FHOD3: variants seen among roughly 807,000 people sequenced by gnomAD.
FHOD3 encodes the protein formin homology 2 domain containing 3, also known as FH1/FH2 domain-containing protein 3.
FHOD3 carries 90 observed loss-of-function variants against 173.0 expected under a neutral mutation model. That is an observed-to-expected ratio of 0.52 (90% CI 0.44 to 0.62). The LOEUF is 0.62. Among genes scored for constraint, FHOD3 ranks in the 20% least tolerant of loss-of-function variants. FHOD3 has a pLI of 0.00. For synonymous variants in FHOD3, 828 were observed against 823.0 expected (o/e 1.01, Z -0.10); for missense variants, 1,945 against 2,034.7 (o/e 0.96, Z 0.85).
At chr18:36,316,219 A>G (rs750537159) in intron 1 of FHOD3, among the ~76,000 whole-genome samples, 1 of 152,176 alleles carries the variant, frequency 6.6e-6, no homozygotes, top group Admixed American at 6.5e-5. Context: ...AAGTCTAAAC[A>G]GTTTAAATTT....
intron 1 of FHOD3, among the ~76,000 whole-genome samples, chr18:36,321,162 C>T (rs2044373521): frequency 2.0e-5 from 3 of 151,236 alleles, no homozygotes; most frequent in Admixed American, 6.6e-5. Context: ...AGAAATGTTT[C>T]CAACAGTGTG....
intron 3 of FHOD3, among the ~76,000 whole-genome samples, chr18:36,473,663 A>G (rs2053407127): frequency 6.6e-6 from 1 of 152,192 alleles, no homozygotes; most frequent in Admixed American, 6.5e-5. Flanking sequence ...TAACTTCCTC[A>G]CTGCATCAAA....
At chr18:36,600,204 C>A (rs1361795346) in intron 7 of FHOD3, among the ~76,000 whole-genome samples, 1 of 150,950 alleles carries the variant, frequency 6.6e-6, no homozygotes, top group Non-Finnish European at 1.5e-5. Flanking sequence ...ATGTGAAGGG[C>A]TAGCATTATA....
At chr18:36,566,008 C>T (rs937738131) in intron 5 of FHOD3, among the ~76,000 whole-genome samples, 2 of 152,166 alleles carry the variant, frequency 1.3e-5, no homozygotes, top group South Asian at 2.1e-4. Flanking sequence ...CTCCCTTAAA[C>T]GGGATTATAT....
At chr18:36,464,235 T>A (rs897938213) in intron 3 of FHOD3, among the ~76,000 whole-genome samples, 1 of 152,216 alleles carries the variant, frequency 6.6e-6, no homozygotes, top group Non-Finnish European at 1.5e-5. Flanking sequence ...TGCATGCCTC[T>A]CTGATAAAAG....
intron 3 of FHOD3, among the ~76,000 whole-genome samples, chr18:36,383,694 T>C (rs909174516): frequency 6.6e-6 from 1 of 152,246 alleles, no homozygotes; most frequent in Non-Finnish European, 1.5e-5. Context: ...GGCAAAGCAC[T>C]CGACAAGTGT....
At chr18:36,317,366 C>A (rs1014799721) in intron 1 of FHOD3, among the ~76,000 whole-genome samples, 5 of 152,164 alleles carry the variant, frequency 3.3e-5, no homozygotes, top group African/African-American at 1.2e-4. Flanking sequence ...CCTATTTCTC[C>A]ACATCCTCTC....
rs2050021102 is a variant in FHOD3, at chr18:36,422,174, T to C, written c.337+49430T>C. The stretch of plus-strand genomic sequence containing the variant: ...ACTTGGCCGCCACATGTAATCCTTG[T>C]TATTAATTCCCACATGTTTTTGTGG... On this transcript the variant is annotated intron_variant, in intron 3 of 28. Transcript: ENST00000590592. Among the ~76,000 whole-genome samples, 3 of 152,204 alleles carry C rather than the reference T, an allele frequency of 2.0e-5. No individual in the cohort carries two copies. In the South Asian group the frequency reaches 6.2e-4, roughly 32 times the overall value.
rs59643530 is a variant in FHOD3, at chr18:36,548,185, A to G, written c.512-28266A>G. 7.2e-4 allele frequency among the ~76,000 whole-genome samples: 109 copies of G among 152,068 alleles called. 1 individual carries two copies. The East Asian group carries it at 0.014, about 20-fold the overall frequency. ...CCAGCCTGGGTGAGAGAGTGAGACA[A>G]TGTCTCAAAAACAAAAAAAAAATTC... is the stretch of plus-strand genomic sequence containing the variant. On this transcript the variant is annotated intron_variant, in intron 5 of 28. Coordinates refer to ENST00000590592, the MANE Select transcript of FHOD3 (RefSeq NM_001281740.3).
chr18:36,777,662 A>G (rs2043778765), intron 28 of FHOD3: 1 of 152,164 alleles, frequency 6.6e-6, no homozygotes, highest in South Asian at 2.1e-4. Context: ...ACAAACTAGT[A>G]TTTTTATTGC....
intron 14 of FHOD3, among the ~76,000 whole-genome samples, chr18:36,676,700 A>T (rs2037882522): frequency 6.6e-6 from 1 of 152,204 alleles, no homozygotes; most frequent in African/African-American, 2.4e-5. Context: ...AATTTTTGTC[A>T]ATCCATAATC....
chr18:36,517,694 A>T (rs1568374750), intron 5 of FHOD3, among the ~76,000 whole-genome samples: 1 of 152,204 alleles, frequency 6.6e-6, no homozygotes, highest in Non-Finnish European at 1.5e-5. Context: ...AGATCTTAAA[A>T]CGCATTTAAC....
At chr18:36,651,956 C>T (rs1053153750) in intron 11 of FHOD3, among the ~76,000 whole-genome samples, 5 of 152,080 alleles carry the variant, frequency 3.3e-5, no homozygotes, top group African/African-American at 1.2e-4. Context: ...AGTGGGAGGC[C>T]CTGGAGAAAG....
intron 1 of FHOD3, among the ~76,000 whole-genome samples, chr18:36,318,071 C>T (rs2044213591): frequency 6.6e-6 from 1 of 152,134 alleles, no homozygotes; most frequent in Non-Finnish European, 1.5e-5. Flanking sequence ...CTGTTCTGTT[C>T]CATTGGTCTA....
rs751677131 is a variant in FHOD3 at position 36,576,535 on chromosome 18, T to C, written c.596T>C (p.Ile199Thr). The change falls in exon 6 of 29, where the codon ATT becomes ACT. Residue 199 changes from isoleucine (I) to threonine (T), a missense_variant. Physicochemically the swap from Ile to Thr is moderately conservative, Grantham distance 89. Around this residue, in one of 5 missense-constraint regions of FHOD3, gnomAD observed 245 missense variants for 267.7 expected, o/e 0.92. Coordinates refer to ENST00000590592, the MANE Select transcript of FHOD3 (RefSeq NM_001281740.3). Reference sequence around the variant, plus strand: ...ACCATTCAGTGGCTGTACACTCTCATTGGGTCAAAGGTAAGGGGAAGTTAT... The same window carrying C: ...ACCATTCAGTGGCTGTACACTCTCACTGGGTCAAAGGTAAGGGGAAGTTAT... ...NETIQWLYTL[I>T]GSKFRLVVKT... 11 of 1,612,998 alleles carry C rather than the reference T, an allele frequency of 6.8e-6. No individual in the cohort carries two copies. Among genetic ancestry groups the C allele is most frequent in the Non-Finnish European group, 9.3e-6 (11 of 1,179,454 alleles).
rs1316549895 is a variant in FHOD3, at chr18:36,712,401, A to G, written c.2533+3010A>G. Among the ~76,000 whole-genome samples, 4 of 152,194 alleles carry G rather than the reference A, an allele frequency of 2.6e-5. 1 individual carries two copies. Among genetic ancestry groups the G allele is most frequent in the South Asian group, 4.1e-4 (2 of 4,828 alleles). ...GAATACGTAAAAAGTAAAATATCTC[A>G]GCAAAGAAATAAAAGATATTAAAAA... On this transcript the variant is annotated intron_variant, in intron 18 of 28. Transcript: ENST00000590592.
At chr18:36,469,080 G>A (rs983952324) in intron 3 of FHOD3, among the ~76,000 whole-genome samples, 4 of 152,104 alleles carry the variant, frequency 2.6e-5, no homozygotes, top group Non-Finnish European at 4.4e-5. Flanking sequence ...TGCCATACTT[G>A]GGGGTCTTTC....
chr18:36,639,576 T>C (rs1023872119), intron 10 of FHOD3, among the ~76,000 whole-genome samples: 5 of 151,010 alleles, frequency 3.3e-5, no homozygotes, highest in Non-Finnish European at 5.9e-5. Context: ...GGCAGGAGAA[T>C]GGCGTGAACC....
At chr18:36,330,867 T>C (rs1256924565) in intron 1 of FHOD3, among the ~76,000 whole-genome samples, 1 of 151,758 alleles carries the variant, frequency 6.6e-6, no homozygotes, top group African/African-American at 2.4e-5. Context: ...AGTGAGTGAG[T>C]GAGCAAGCAT....
Sources: allele counts gnomAD v4.1 joint callset (sites outside exome capture counted in the v4.1 genomes callset), GRCh38; gene constraint gnomAD v4.1.1; regional missense constraint gnomAD v4.1.1; transcripts MANE v1.5; gene names NCBI Gene and HGNC (gene_info 2026-07-23, HGNC 2026-07-21).